HS3ST4: variants seen among roughly 807,000 people sequenced by gnomAD.
HS3ST4 encodes heparan sulfate glucosamine 3-O-sulfotransferase 4.
A neutral mutation model predicts 29.2 loss-of-function variants in HS3ST4; 17 were observed. The ratio of observed to expected loss-of-function variants is 0.58; its 90% confidence interval spans 0.40 to 0.87. The LOEUF is 0.87. Ranked by LOEUF, HS3ST4 falls within the 40% of genes least tolerant of loss-of-function variation. HS3ST4 has a pLI of 0.00. For synonymous variants in HS3ST4, 314 were observed against 285.7 expected, an observed-to-expected ratio of 1.10 and a Z score of -1.00; for missense variants, 627 against 634.5, an observed-to-expected ratio of 0.99 and a Z score of 0.13.
rs546372699 is a variant in HS3ST4 at position 26,032,898 on chromosome 16, C to T, written c.735-102714C>T. The stretch of plus-strand genomic sequence containing the variant: ...CTTTGGTCGGTCTGGGGGTCGTTCT[C>T]GCCTCTTCTTCACACTGCTCCGGAG... On this transcript the variant is annotated intron_variant, in intron 1 of 1. Transcript: ENST00000331351. 10 of 1,093,964 alleles carry T rather than the reference C, an allele frequency of 9.1e-6. No individual in the cohort carries two copies. In the East Asian group the frequency reaches 1.0e-4, roughly 11 times the overall value. The allele number at this position is 1,093,964 out of a possible 1,614,324, so 67.8% of individuals were successfully genotyped here.
In HS3ST4 at chr16:26,013,938, G is replaced by A. The variant is rs564414067; in HGVS notation, c.735-121674G>A. Among the ~76,000 whole-genome samples, 6 of 152,198 alleles carry A rather than the reference G, an allele frequency of 3.9e-5. No homozygotes were observed. In the South Asian group the frequency reaches 1.2e-3, roughly 32 times the overall value. Reference sequence around the variant, plus strand: ...CAGGAGAATCTTTTGAACCTGGGAGGCAGAGGTTGCAGTAAGCTGAGATCG... The same window carrying A: ...CAGGAGAATCTTTTGAACCTGGGAGACAGAGGTTGCAGTAAGCTGAGATCG... On this transcript the variant is annotated intron_variant, in intron 1 of 1. Coordinates refer to ENST00000331351, the MANE Select transcript of HS3ST4 (RefSeq NM_006040.3).
intron 1 of HS3ST4, among the ~76,000 whole-genome samples, chr16:25,697,023 C>A (rs1268330043): frequency 1.3e-5 from 2 of 152,192 alleles, no homozygotes; most frequent in Non-Finnish European, 2.9e-5. Flanking sequence ...AACCTGCTGT[C>A]TAATTTCAAA....
At chr16:25,839,097 A>G (rs1365717282) in intron 1 of HS3ST4, among the ~76,000 whole-genome samples, 1 of 149,150 alleles carries the variant, frequency 6.7e-6, no homozygotes, top group Non-Finnish European at 1.5e-5. Flanking sequence ...TTGAAATTAA[A>G]GTATCTGACA....
chr16:25,899,772 G>GA (rs60457068), intron 1 of HS3ST4, among the ~76,000 whole-genome samples: 122,625 of 151,848 alleles, frequency 0.81, 49,626 homozygotes, highest in South Asian at 0.85. Context: ...TAGGGGTAAG[G>GA]AAAACATGGC....
chr16:26,084,454 T>C (rs1898760619), intron 1 of HS3ST4, among the ~76,000 whole-genome samples: 1 of 152,208 alleles, frequency 6.6e-6, no homozygotes, highest in South Asian at 2.1e-4. Context: ...TGAATGCAAG[T>C]CTCAAAGCTC....
intron 1 of HS3ST4, among the ~76,000 whole-genome samples, chr16:25,841,145 A>G (rs1237270600): frequency 6.6e-6 from 1 of 151,780 alleles, no homozygotes; most frequent in Admixed American, 6.6e-5. Flanking sequence ...AGCTGGGACT[A>G]CAGGTGCCCG....
intron 1 of HS3ST4, among the ~76,000 whole-genome samples, chr16:25,943,070 A>T (rs544411179): frequency 6.6e-6 from 1 of 152,352 alleles, no homozygotes; most frequent in East Asian, 1.9e-4. Flanking sequence ...AATTCTAATA[A>T]TAAAAATCTG....
At chr16:25,752,826 C>A (rs922299270) in intron 1 of HS3ST4, among the ~76,000 whole-genome samples, 1 of 152,212 alleles carries the variant, frequency 6.6e-6, no homozygotes, top group African/African-American at 2.4e-5. Flanking sequence ...AACTGCCTTA[C>A]TTAGGAAGCA....
intron 1 of HS3ST4, among the ~76,000 whole-genome samples, chr16:26,041,184 T>C (rs967692838): frequency 9.2e-5 from 14 of 151,900 alleles, no homozygotes; most frequent in African/African-American, 3.4e-4. Context: ...TAAAAGCATT[T>C]TTAAAAAATC....
At chr16:26,080,509 A>G (rs916023334) in intron 1 of HS3ST4, among the ~76,000 whole-genome samples, 2 of 152,134 alleles carry the variant, frequency 1.3e-5, no homozygotes, top group East Asian at 1.9e-4. Context: ...AGGAAACACA[A>G]ATAGAGGCAT....
intron 1 of HS3ST4, among the ~76,000 whole-genome samples, chr16:25,867,018 A>G (rs1273641547): frequency 6.6e-6 from 1 of 152,176 alleles, no homozygotes; most frequent in Non-Finnish European, 1.5e-5. Flanking sequence ...AGACCCACCC[A>G]ATTCACATAA....
At chr16:25,904,911 C>T (rs1004144984) in intron 1 of HS3ST4, among the ~76,000 whole-genome samples, 1 of 152,088 alleles carries the variant, frequency 6.6e-6, no homozygotes, top group South Asian at 2.1e-4. Flanking sequence ...AATGTTAGCT[C>T]TTATTATAAA....
chr16:25,861,247 C>G (rs1014566781), intron 1 of HS3ST4, among the ~76,000 whole-genome samples: 1 of 152,104 alleles, frequency 6.6e-6, no homozygotes, highest in Non-Finnish European at 1.5e-5. Flanking sequence ...GCAGTGGTGG[C>G]TTTTGATACA....
At chr16:25,995,160 G>T (rs551610709) in intron 1 of HS3ST4, among the ~76,000 whole-genome samples, 2 of 152,302 alleles carry the variant, frequency 1.3e-5, no homozygotes, top group East Asian at 3.9e-4. Flanking sequence ...TTTCCAGAAA[G>T]TATGGCCTTC....
At chr16:25,831,089 C>A (rs929855761) in intron 1 of HS3ST4, among the ~76,000 whole-genome samples, 1 of 152,154 alleles carries the variant, frequency 6.6e-6, no homozygotes, top group Non-Finnish European at 1.5e-5. Context: ...GGCTTGAATG[C>A]CTTCCCCTCA....
At chr16:25,701,160 A>G (rs1966332180) in intron 1 of HS3ST4, among the ~76,000 whole-genome samples, 1 of 152,186 alleles carries the variant, frequency 6.6e-6, no homozygotes, top group Non-Finnish European at 1.5e-5. Flanking sequence ...GTCTCACCAC[A>G]GTTTAGGCAA....
At chr16:26,102,615 T>G (rs1899002966) in intron 1 of HS3ST4, among the ~76,000 whole-genome samples, 1 of 152,150 alleles carries the variant, frequency 6.6e-6, no homozygotes. Flanking sequence ...ACATTCCCCC[T>G]CCATCCCACA....
At chr16:26,053,973 A>T (rs552128275) in intron 1 of HS3ST4, among the ~76,000 whole-genome samples, 1 of 152,132 alleles carries the variant, frequency 6.6e-6, no homozygotes, top group African/African-American at 2.4e-5. Flanking sequence ...CTCCCTTGTG[A>T]CACAGATTTC....
intron 1 of HS3ST4, among the ~76,000 whole-genome samples, chr16:25,801,213 A>T (rs1966930500): frequency 6.6e-6 from 1 of 152,158 alleles, no homozygotes; most frequent in South Asian, 2.1e-4. Flanking sequence ...TAACTTTGGC[A>T]TCTTTTGCTT....
Sources: gnomAD v4.1 joint callset for allele counts (sites outside exome capture counted in the v4.1 genomes callset) on GRCh38, gnomAD v4.1.1 for gene constraint, MANE v1.5 for transcripts, NCBI Gene and HGNC (gene_info 2026-07-23, HGNC 2026-07-21) for gene names.